The following CNOT1 variants were observed in gnomAD, a reference collection of about 807,000 sequenced individuals.
CNOT1 encodes the protein CCR4-NOT transcription complex subunit 1, also known as CCR4-associated factor 1.
A neutral mutation model predicts 273.8 loss-of-function variants in CNOT1; 15 were observed. That is an observed-to-expected ratio of 0.05 (90% CI 0.04 to 0.08). The LOEUF (loss-of-function observed/expected upper bound fraction) is 0.08, where lower values mean the gene tolerates loss of function less well. CNOT1 is among the 10% of genes least tolerant of loss of function. The pLI, the probability that CNOT1 is intolerant of heterozygous loss-of-function variation, is 1.00. For synonymous variants in CNOT1, 1,022 were observed against 1,005.5 expected (o/e 1.02, Z -0.31); for missense variants, 1,644 against 2,912.2 (o/e 0.56, Z 10.02).
At position 58,618,059 on chromosome 16, in the gene CNOT1, C is replaced by T. The variant is rs577498340; in HGVS notation, c.-175+11669G>A. ...CACATTAACACAAAGCCAAGCAGAG[C>T]TTAAATCCAGAAGATGGTAAGAAAT... On this transcript the variant is annotated intron_variant, in intron 1 of 48. Transcript: ENST00000317147. Among the ~76,000 whole-genome samples, 3 of 152,242 alleles carry T rather than the reference C, an allele frequency of 2.0e-5. 1 individual carries two copies. The South Asian group carries it at 6.2e-4, about 32-fold the overall frequency.
intron 1 of CNOT1, among the ~76,000 whole-genome samples, chr16:58,620,740 A>G (rs1597618910): frequency 6.6e-6 from 1 of 152,050 alleles, no homozygotes. Flanking sequence ...ACAACACAGT[A>G]GTACCACAGG....
In CNOT1 at chr16:58,546,302, GACTAA is replaced by G. The variant is rs1244174989; in HGVS notation, c.4006+14_4006+18del. The G allele has an allele frequency of 1.2e-6, 2 of 1,602,778 alleles. No homozygotes were observed. The highest frequency in any genetic ancestry group is 1.7e-6 in the Non-Finnish European group (2 of 1,171,416). ...ATCCTAGCTAACAGAAGCCTTCCTT[GACTAA>G]TTAGCACACTTACTTGTGGTTGTGA... is the stretch of plus-strand genomic sequence containing the variant. On this transcript the variant is annotated intron_variant, in intron 29 of 48. Coordinates refer to ENST00000317147, the MANE Select transcript of CNOT1 (RefSeq NM_016284.5).
chr16:58,628,454 C>T (rs887071453), intron 1 of CNOT1, among the ~76,000 whole-genome samples: 4 of 152,232 alleles, frequency 2.6e-5, no homozygotes, highest in African/African-American at 9.6e-5. Context: ...TGTTCTTAAT[C>T]TGTTTGACCT....
At chr16:58,570,692 G>A (rs2041239332) in intron 16 of CNOT1, among the ~76,000 whole-genome samples, 1 of 152,154 alleles carries the variant, frequency 6.6e-6, no homozygotes, top group South Asian at 2.1e-4. Context: ...TAATTTGCAT[G>A]ACAATAATGG....
intron 19 of CNOT1, 118 bp from the exon 20 acceptor site, chr16:58,556,026 G>A (rs1361167138): frequency 1.3e-6 from 2 of 1,493,292 alleles, no homozygotes; most frequent in African/African-American, 1.4e-5. Context: ...AAAAAAACTG[G>A]AAAAGGTATT....
At chr16:58,545,614 G>A in intron 29 of CNOT1, 123 bp from the exon 30 acceptor site, 51 of 1,171,020 alleles carry the variant, frequency 4.4e-5, no homozygotes, top group Admixed American at 1.4e-4. Context: ...GAGGAGGGAA[G>A]GATGTAGCAG....
At chr16:58,546,824 A>C (rs2040270759) in intron 27 of CNOT1, 75 bp from the exon 28 acceptor site, 3 of 1,575,312 alleles carry the variant, frequency 1.9e-6, no homozygotes, top group Non-Finnish European at 2.6e-6. Context: ...AATTCAATAC[A>C]ACATAAGGGG....
chr16:58,572,052 G>C (rs1457186926), intron 16 of CNOT1, among the ~76,000 whole-genome samples: 1 of 152,184 alleles, frequency 6.6e-6, no homozygotes, highest in Non-Finnish European at 1.5e-5. Flanking sequence ...GGGACGCCAA[G>C]GCGGGCGGAT....
intron 6 of CNOT1, 137 bp from the exon 7 acceptor site, chr16:58,586,885 A>C: frequency 9.4e-7 from 1 of 1,064,806 alleles, no homozygotes; most frequent in Non-Finnish European, 1.3e-6. Context: ...TCTCTAGCTG[A>C]CAGGTATAAA....
At chr16:58,620,018 T>G (rs1219670884) in intron 1 of CNOT1, among the ~76,000 whole-genome samples, 2 of 152,148 alleles carry the variant, frequency 1.3e-5, no homozygotes, top group Non-Finnish European at 2.9e-5. Context: ...TCTTTTCCTC[T>G]GAAATGTTAC....
intron 39 of CNOT1, among the ~76,000 whole-genome samples, chr16:58,535,033 T>C (rs1179025073): frequency 1.3e-5 from 2 of 152,168 alleles, no homozygotes; most frequent in East Asian, 1.9e-4. Context: ...CTATATGACA[T>C]ATGAACTAGA....
chr16:58,522,055 C>G (rs2039400637), intron 47 of CNOT1, among the ~76,000 whole-genome samples: 2 of 151,790 alleles, frequency 1.3e-5, no homozygotes, highest in Non-Finnish European at 2.9e-5. Flanking sequence ...CACAGTGACT[C>G]ACGCCTGTAA....
At chr16:58,567,624 G>C (rs1042064453) in intron 16 of CNOT1, among the ~76,000 whole-genome samples, 1 of 148,156 alleles carries the variant, frequency 6.7e-6, no homozygotes, top group African/African-American at 2.5e-5. Flanking sequence ...CTTCATAAAA[G>C]CAACTAGAAA....
chr16:58,578,816 T>C lies in CNOT1; in HGVS notation c.1467A>G (p.Leu489=), dbSNP rs1260128762. The C allele has an allele frequency of 6.2e-7, 1 of 1,614,112 alleles. No homozygotes were observed. The change falls in exon 13 of 49, where the codon CTA becomes CTG. Residue 489 remains leucine, a synonymous_variant. Transcript: ENST00000317147. ...AGGTATGCCAAGAGGTGTTAATTTG[T>C]AGTAAGGCCAATACCAGCATGTCTG... ...HCPDMLVLAL[L]QINTSWHTLR... is the part of the protein sequence containing the mutation.
At chr16:58,584,241 T>C (rs1053700718) in intron 8 of CNOT1, among the ~76,000 whole-genome samples, 1 of 152,110 alleles carries the variant, frequency 6.6e-6, no homozygotes, top group African/African-American at 2.4e-5. Flanking sequence ...AACAAAATTA[T>C]CTTCAATCTT....
At chr16:58,603,962 T>C (rs1339294996) in intron 1 of CNOT1, among the ~76,000 whole-genome samples, 2 of 152,248 alleles carry the variant, frequency 1.3e-5, no homozygotes, top group African/African-American at 4.8e-5. Context: ...TTATTATACA[T>C]ACTTCATGTC....
At position 58,599,505 on chromosome 16, in the gene CNOT1, A is replaced by G. The variant is rs2042387822; in HGVS notation, c.-168T>C. 1 of 730,004 alleles carries G rather than the reference A, an allele frequency of 1.4e-6. No individual in the cohort carries two copies. The highest frequency in any genetic ancestry group is 2.1e-6 in the Non-Finnish European group (1 of 477,328). 45.2% of individuals were successfully genotyped at this position (730,004 alleles called of 1,614,324 possible). A position where few individuals can be genotyped will look rare whatever the true frequency, so the allele number is the denominator to read the frequency against. On this transcript the variant is annotated 5_prime_UTR_variant, in exon 2 of 49. The change abolishes an upstream ATG in the 5' untranslated region. Transcript: ENST00000317147. ...CAGGGGTCTTACTCTGTTCTGAAAC[A>G]TGGCACCTGTTTAAAAAAACACACA...
chr16:58,554,569 G>A (rs1285553192), intron 21 of CNOT1, among the ~76,000 whole-genome samples: 1 of 152,140 alleles, frequency 6.6e-6, no homozygotes, highest in African/African-American at 2.4e-5. Flanking sequence ...TCTACTGTAC[G>A]AAGTATACCT....
chr16:58,576,653 G>A, intron 13 of CNOT1, 71 bp from the exon 14 acceptor site: 1 of 1,589,392 alleles, frequency 6.3e-7, no homozygotes, highest in Non-Finnish European at 8.6e-7. Flanking sequence ...CAAATGCCCA[G>A]TTAATTTTGC....
Sources: allele counts gnomAD v4.1 joint callset (sites outside exome capture counted in the v4.1 genomes callset), GRCh38; gene constraint gnomAD v4.1.1; transcripts MANE v1.5; gene names NCBI Gene and HGNC (gene_info 2026-07-23, HGNC 2026-07-21).